The following RBFOX2 variants were observed in gnomAD, a reference collection of about 807,000 sequenced individuals.
RBFOX2 encodes RNA binding protein fox-1 homolog 2.
In RBFOX2, 10 loss-of-function variants were observed where a neutral mutation model predicts 49.1. The observed-to-expected ratio is 0.20, with a 90% CI of 0.13 to 0.35. RBFOX2 has a LOEUF of 0.35. Among genes scored for constraint, RBFOX2 ranks in the 10% least tolerant of loss-of-function variants. The probability of loss-of-function intolerance (pLI) is 1.00; values close to 1 mark genes in which losing one functional copy is unlikely to be tolerated. For missense variants in RBFOX2, 323 were observed against 486.9 expected (o/e 0.66, Z 3.17); for synonymous variants, 183 against 187.4 (o/e 0.98, Z 0.19).
chr22:35,797,749 T>C (rs963561453), intron 2 of RBFOX2, among the ~76,000 whole-genome samples: 4 of 152,176 alleles, frequency 2.6e-5, no homozygotes, highest in African/African-American at 9.7e-5. Context: ...ATTGACTTCA[T>C]AGCTCCCTCG....
In RBFOX2 at chr22:35,850,164, A is replaced by T. The variant is rs116818023; in HGVS notation, c.-33-40160T>A. The stretch of plus-strand genomic sequence containing the variant: ...GGGCGGGGAGCATGTACCCGTGTGC[A>T]CGCATGCGCATTCTCTGTCTCTCTC... On this transcript the variant is annotated intron_variant, in intron 1 of 13. Transcript: ENST00000359369. 3.7e-3 allele frequency among the ~76,000 whole-genome samples: 532 copies of T among 142,764 alleles called. 1 individual carries two copies. Among genetic ancestry groups the T allele is most frequent in the African/African-American group, 0.012 (467 of 39,156 alleles). 93.7% of individuals were successfully genotyped at this position (142,764 alleles called of 152,430 possible).
chr22:35,946,042 C>T (rs2054243856), intron 1 of RBFOX2, among the ~76,000 whole-genome samples: 3 of 152,106 alleles, frequency 2.0e-5, no homozygotes. Context: ...CAGTATGTTT[C>T]ATGGTAAAAT....
At chr22:35,866,255 A>G (rs545464411) in intron 1 of RBFOX2, among the ~76,000 whole-genome samples, 1 of 152,298 alleles carries the variant, frequency 6.6e-6, no homozygotes, top group Non-Finnish European at 1.5e-5. Flanking sequence ...ATACCTTTGT[A>G]GTCTTATGAT....
Position 35,925,564 on chromosome 22 carries a change from C to T in RBFOX2, c.-34+13283G>A, listed in dbSNP as rs538616287. 2.6e-5 allele frequency among the ~76,000 whole-genome samples: 4 copies of T among 152,238 alleles called. No individual in the cohort carries two copies. The South Asian group carries it at 8.3e-4, about 32-fold the overall frequency. The stretch of plus-strand genomic sequence containing the variant: ...AGTAGAAAGCATGTGCCCTGGGACA[C>T]TGAGTCAGCTCGCAAATAAATGCAC... On this transcript the variant is annotated intron_variant, in intron 1 of 13. Transcript: ENST00000359369.
chr22:35,924,471 C>G (rs2051390225), intron 1 of RBFOX2, among the ~76,000 whole-genome samples: 1 of 152,150 alleles, frequency 6.6e-6, no homozygotes, highest in Non-Finnish European at 1.5e-5. Context: ...CATAAAATGA[C>G]AGATTTACAT....
chr22:35,954,878 A>G (rs1250217447), intron 1 of RBFOX2, among the ~76,000 whole-genome samples: 1 of 152,260 alleles, frequency 6.6e-6, no homozygotes, highest in Non-Finnish European at 1.5e-5. Flanking sequence ...TACATGGTTG[A>G]TAATCAAGTG....
At chr22:35,952,644 T>C (rs557556831) in intron 1 of RBFOX2, among the ~76,000 whole-genome samples, 1 of 152,342 alleles carries the variant, frequency 6.6e-6, no homozygotes, top group South Asian at 2.1e-4. Flanking sequence ...AGAGCTCTAA[T>C]AGACTCAAAG....
At chr22:35,973,962 CT>C (rs2057013951) in intron 1 of RBFOX2, among the ~76,000 whole-genome samples, 2 of 152,178 alleles carry the variant, frequency 1.3e-5, no homozygotes, top group Non-Finnish European at 2.9e-5. Context: ...GAAATTAAGA[CT>C]ACATGAGGTG....
At chr22:35,811,749 C>A (rs759624083) in intron 1 of RBFOX2, among the ~76,000 whole-genome samples, 1 of 151,842 alleles carries the variant, frequency 6.6e-6, no homozygotes, top group African/African-American at 2.4e-5. Context: ...GGACTGCCTG[C>A]GGCTAGGAGT....
intron 2 of RBFOX2, among the ~76,000 whole-genome samples, chr22:35,805,562 TTGG>T (rs1179996966): frequency 6.6e-6 from 1 of 152,112 alleles, no homozygotes; most frequent in Non-Finnish European, 1.5e-5. Context: ...GGAATGTAGT[TTGG>T]TGGTTTCTTA....
intron 1 of RBFOX2, among the ~76,000 whole-genome samples, chr22:35,902,846 G>A (rs963871893): frequency 4.0e-5 from 6 of 151,258 alleles, no homozygotes; most frequent in Admixed American, 1.3e-4. Flanking sequence ...GAGAAGGGGC[G>A]GGTCTCACTA....
chr22:35,879,112 T>G (rs1000644754), intron 1 of RBFOX2, among the ~76,000 whole-genome samples: 4 of 152,310 alleles, frequency 2.6e-5, no homozygotes, highest in Admixed American at 2.6e-4. Context: ...CCTTATTGAA[T>G]AGGAAACATT....
chr22:35,937,358 T>C (rs1345695379), intron 1 of RBFOX2, among the ~76,000 whole-genome samples: 2 of 152,204 alleles, frequency 1.3e-5, no homozygotes, highest in East Asian at 3.8e-4. Flanking sequence ...GCCCTATCTT[T>C]TACCAAAAGC....
chr22:35,951,157 T>C (rs1018397182), intron 1 of RBFOX2, among the ~76,000 whole-genome samples: 17 of 151,428 alleles, frequency 1.1e-4, no homozygotes, highest in African/African-American at 3.9e-4. Flanking sequence ...GGTTTCACCG[T>C]GTTAGCCAGG....
chr22:35,849,683 G>T (rs1468219027), intron 1 of RBFOX2, among the ~76,000 whole-genome samples: 2 of 152,070 alleles, frequency 1.3e-5, no homozygotes, highest in East Asian at 3.8e-4. Context: ...CCTTGTTTGC[G>T]CTGGCTGTCC....
At chr22:35,837,459 T>C (rs553926180) in intron 1 of RBFOX2, among the ~76,000 whole-genome samples, 1 of 151,942 alleles carries the variant, frequency 6.6e-6, no homozygotes, top group South Asian at 2.1e-4. Context: ...CAGGTCATTA[T>C]CAAATGTTGG....
intron 1 of RBFOX2, among the ~76,000 whole-genome samples, chr22:35,929,676 T>G (rs2052119261): frequency 6.6e-6 from 1 of 151,996 alleles, no homozygotes; most frequent in Admixed American, 6.6e-5. Flanking sequence ...TTTTGAGACA[T>G]GGTCTCGCTG....
At chr22:35,752,110 G>C (rs1366459608) in intron 9 of RBFOX2, among the ~76,000 whole-genome samples, 1 of 152,192 alleles carries the variant, frequency 6.6e-6, no homozygotes, top group Non-Finnish European at 1.5e-5. Context: ...CATATGTCTA[G>C]ATTTTTAAGG....
In RBFOX2 at chr22:35,766,484, T is replaced by TA. The variant is rs199623329; in HGVS notation, c.547-1002dup. ...GACCAATTTTAGGTAGAATTAGAACTAAAAAAAAAACCTCTTCCTATGTCT... is the reference window on the plus strand; with the variant it reads ...GACCAATTTTAGGTAGAATTAGAACTAAAAAAAAAAACCTCTTCCTATGTCT... On this transcript the variant is annotated intron_variant, in intron 5 of 11. Coordinates refer to ENST00000405409, the Ensembl canonical transcript of RBFOX2. Among the ~76,000 whole-genome samples, 185 of 148,226 alleles carry TA rather than the reference T, an allele frequency of 1.2e-3. 3 individuals carry two copies. The highest frequency in any genetic ancestry group is 0.011 in the Admixed American group (157 of 14,866).
Sources: gnomAD v4.1 joint callset for allele counts (sites outside exome capture counted in the v4.1 genomes callset) on GRCh38, gnomAD v4.1.1 for gene constraint, MANE v1.5 for transcripts, NCBI Gene and HGNC (gene_info 2026-07-23, HGNC 2026-07-21) for gene names.